The following HEPH variants were observed in gnomAD, a reference collection of about 807,000 sequenced individuals.
HEPH encodes the protein hephaestin.
A neutral mutation model predicts 80.8 loss-of-function variants in HEPH; 69 were observed. The observed-to-expected ratio is 0.85, with a 90% CI of 0.70 to 1.04. HEPH has a LOEUF of 1.04. Among genes scored for constraint, HEPH ranks in the 50% least tolerant of loss-of-function variants. The pLI is 0.00. For missense variants in HEPH, 1,115 were observed against 891.3 expected (o/e 1.25, Z -3.20); for synonymous variants, 431 against 322.8 (o/e 1.34, Z -3.60).
chrX:66,209,737 A>G (rs904314459), intron 15 of HEPH, among the ~76,000 whole-genome samples: 2 of 112,089 alleles, frequency 1.8e-5, no homozygotes, highest in African/African-American at 6.5e-5. Context: ...AATAATACCC[A>G]GTTTTTGATT....
At chrX:66,165,916 G>A (rs2086338250) in intron 1 of HEPH, among the ~76,000 whole-genome samples, 1 of 109,634 alleles carries the variant, frequency 9.1e-6, no homozygotes, top group Admixed American at 9.7e-5. Context: ...CTTCTCTATG[G>A]GCTTAGCTGA....
In HEPH at chrX:66,243,375, T is replaced by C. The variant is rs191957337; in HGVS notation, c.2564-11660T>C. Among the ~76,000 whole-genome samples, 65 of 112,420 alleles carry C rather than the reference T, an allele frequency of 5.8e-4. 1 individual carries two copies. In the East Asian group the frequency reaches 0.013, roughly 22 times the overall value. On this transcript the variant is annotated intron_variant, in intron 15 of 20. Transcript: ENST00000343002. ...GCCAGGAGGCTAAGGATCAAAAAGC[T>C]AGTTAGGTATTTTTGTTGAATTGAA...
chrX:66,233,982 T>C (rs987017025), intron 15 of HEPH, among the ~76,000 whole-genome samples: 5 of 111,388 alleles, frequency 4.5e-5, no homozygotes, highest in African/African-American at 1.6e-4. Context: ...TCATGGACAT[T>C]TGTTGTACAG....
At chrX:66,199,367 C>CG (rs1272110534) in intron 11 of HEPH, among the ~76,000 whole-genome samples, 2 of 109,758 alleles carry the variant, frequency 1.8e-5, no homozygotes, top group African/African-American at 6.7e-5. Context: ...GGGTCCCCCC[C>CG]CCCCATACTC....
chrX:66,239,905 C>A (rs1411874500), intron 15 of HEPH, among the ~76,000 whole-genome samples: 1 of 111,607 alleles, frequency 9.0e-6, no homozygotes, highest in Non-Finnish European at 1.9e-5. Flanking sequence ...CTTCGTCACC[C>A]TTGGTAAACA....
At chrX:66,170,870 C>A in intron 2 of HEPH, 133 bp downstream of exon 2, 1 of 506,911 alleles carries the variant, frequency 2.0e-6, no homozygotes, top group Non-Finnish European at 3.3e-6. Flanking sequence ...TGTACATACT[C>A]AGTGGCAGAT....
Position 66,258,820 on chromosome X carries a change from CTTTTCTTTTT to C in HEPH, c.2897-15_2897-6del. The C allele has an allele frequency of 8.9e-7, 1 of 1,119,830 alleles. No individual in the cohort carries two copies. The highest frequency in any genetic ancestry group is 1.2e-6 in the Non-Finnish European group (1 of 849,174). The allele number at this position is 1,119,830 out of a possible 1,213,427, so 92.3% of individuals were successfully genotyped here. ...GAAGCTTTTTCTTTTCTTTTCTTTT[CTTTTCTTTTT>C]TTTTGACAGCAATCAATGGGAAACT... On this transcript the variant is annotated splice_polypyrimidine_tract_variant and intron_variant, in intron 17 of 20. Transcript: ENST00000343002.
At chrX:66,186,227 C>T (rs1391597118) in intron 4 of HEPH, among the ~76,000 whole-genome samples, 1 of 100,079 alleles carries the variant, frequency 1.0e-5, no homozygotes, top group Non-Finnish European at 2.0e-5. Flanking sequence ...GTGGTGGGCT[C>T]CCCCCAGTTC....
At chrX:66,230,560 T>C (rs708965) in intron 15 of HEPH, among the ~76,000 whole-genome samples, 49 of 101,841 alleles carry the variant, frequency 4.8e-4, no homozygotes, top group African/African-American at 1.7e-3. Flanking sequence ...GTTTTTTGGC[T>C]GCATAAATGT....
chrX:66,258,374 T>C (rs2091249255), intron 17 of HEPH, among the ~76,000 whole-genome samples: 2 of 110,942 alleles, frequency 1.8e-5, no homozygotes, highest in Non-Finnish European at 3.8e-5. Context: ...AAAAAATGGG[T>C]AAAAGAAGGC....
intron 1 of HEPH, among the ~76,000 whole-genome samples, chrX:66,166,105 T>A (rs2086349409): frequency 8.9e-6 from 1 of 112,047 alleles, no homozygotes; most frequent in Admixed American, 9.5e-5. Flanking sequence ...AACCAATAAA[T>A]GATGAATCCA....
rs760870701 is a variant in HEPH at position 66,186,424 on chromosome X, G to A, written c.626-1935G>A. Among the ~76,000 whole-genome samples the A allele has an allele frequency of 2.2e-4, 25 of 112,106 alleles. No homozygotes were observed. In the South Asian group the frequency reaches 3.7e-3, roughly 17 times the overall value. On this transcript the variant is annotated intron_variant, in intron 4 of 20. Transcript: ENST00000343002. Reference sequence around the variant, plus strand: ...CTCGTGGTGCGCGGTTTCTTAAGCCGGTCTGAAAAGCGCAATATTCGGGTG... The same window carrying A: ...CTCGTGGTGCGCGGTTTCTTAAGCCAGTCTGAAAAGCGCAATATTCGGGTG...
At chrX:66,217,609 T>C (rs1204739658) in intron 15 of HEPH, among the ~76,000 whole-genome samples, 1 of 111,165 alleles carries the variant, frequency 9.0e-6, no homozygotes, top group East Asian at 2.8e-4. Context: ...ACAGGACCTA[T>C]AAAACAGCAA....
intron 14 of HEPH, 87 bp downstream of exon 14, chrX:66,207,421 C>T (rs986571378): frequency 1.8e-5 from 12 of 661,895 alleles, no homozygotes; most frequent in Non-Finnish European, 2.5e-5. Context: ...CCTCACTATT[C>T]CCCATTCTCA....
chrX:66,259,541 T>G (rs190016139), intron 18 of HEPH, among the ~76,000 whole-genome samples: 1 of 111,887 alleles, frequency 8.9e-6, no homozygotes, highest in East Asian at 2.8e-4. Flanking sequence ...GGTCAAAGCT[T>G]AAGCCAAATT....
At chrX:66,230,411 A>G (rs968331187) in intron 15 of HEPH, among the ~76,000 whole-genome samples, 5 of 105,908 alleles carry the variant, frequency 4.7e-5, no homozygotes, top group Admixed American at 2.0e-4. Flanking sequence ...GAGTGTTCCT[A>G]TTTCTCCACA....
intron 15 of HEPH, among the ~76,000 whole-genome samples, chrX:66,229,053 A>G (rs1341717467): frequency 8.9e-6 from 1 of 112,314 alleles, no homozygotes; most frequent in Non-Finnish European, 1.9e-5. Context: ...AAAAGAAGTC[A>G]TTATACGAAA....
intron 4 of HEPH, among the ~76,000 whole-genome samples, chrX:66,176,226 T>C (rs1569288699): frequency 8.9e-6 from 1 of 112,317 alleles, no homozygotes; most frequent in Non-Finnish European, 1.9e-5. Flanking sequence ...AATCATAATG[T>C]AATGTTGGAT....
At chrX:66,179,048 A>G (rs1356368942) in intron 4 of HEPH, among the ~76,000 whole-genome samples, 1 of 111,573 alleles carries the variant, frequency 9.0e-6, no homozygotes, top group Non-Finnish European at 1.9e-5. Context: ...GGTATTGCCT[A>G]GGTTTTCTTC....
Sources: allele counts gnomAD v4.1 joint callset (sites outside exome capture counted in the v4.1 genomes callset), GRCh38; gene constraint gnomAD v4.1.1; transcripts MANE v1.5; gene names NCBI Gene and HGNC (gene_info 2026-07-23, HGNC 2026-07-21).